CAMTA1: variants seen among roughly 807,000 people sequenced by gnomAD.
CAMTA1 encodes the protein calmodulin binding transcription activator 1, also known as calmodulin-binding transcription activator 1.
CAMTA1 carries 27 observed loss-of-function variants against 170.9 expected under a neutral mutation model. The ratio of observed to expected loss-of-function variants is 0.16; its 90% CI spans 0.12 to 0.22. CAMTA1 has a LOEUF of 0.22. Ranked by LOEUF, CAMTA1 falls within the 10% of genes least tolerant of loss-of-function variation. The pLI is 1.00. For missense variants in CAMTA1, 1,619 were observed against 2,217.2 expected, an observed-to-expected ratio of 0.73 and a Z score of 5.42; for synonymous variants, 833 against 891.5, an observed-to-expected ratio of 0.93 and a Z score of 1.17.
In CAMTA1 at chr1:7,634,907, G is replaced by A. The variant is rs559418135; in HGVS notation, c.511-5493G>A. Among the ~76,000 whole-genome samples the A allele has an allele frequency of 4.6e-5, 7 of 152,258 alleles. No individual in the cohort carries two copies. The highest frequency in any genetic ancestry group is 1.9e-4 in the East Asian group (1 of 5,170). ...GCAGCAGCCCCAGTGAGAAAGAGGCGCAGCTTCCATGCTTATGGGTGAGGA... is the reference window on the plus strand; with the variant it reads ...GCAGCAGCCCCAGTGAGAAAGAGGCACAGCTTCCATGCTTATGGGTGAGGA... On this transcript the variant is annotated intron_variant, in intron 6 of 22. Coordinates refer to ENST00000303635, the MANE Select transcript of CAMTA1 (RefSeq NM_015215.4). The surrounding 1 kb of genome is among the most constrained non-coding windows in gnomAD (Gnocchi z 6.2).
intron 5 of CAMTA1, among the ~76,000 whole-genome samples, chr1:7,392,273 T>G (rs930478656): frequency 9.1e-4 from 137 of 151,206 alleles, no homozygotes; most frequent in African/African-American, 2.7e-3. Context: ...TTTTTTTTTT[T>G]TGAGTCAGTT....
chr1:7,564,809 G>A (rs556450299), intron 6 of CAMTA1, among the ~76,000 whole-genome samples: 42 of 152,112 alleles, frequency 2.8e-4, no homozygotes, highest in African/African-American at 1.0e-3. Context: ...GTGAGGATTA[G>A]AAGGAGATGG....
intron 4 of CAMTA1, among the ~76,000 whole-genome samples, chr1:7,128,387 T>G (rs1469860890): frequency 2.0e-5 from 3 of 152,180 alleles, no homozygotes; most frequent in African/African-American, 7.2e-5. Context: ...GCCTCCCTGC[T>G]GAGGTGACAT....
Position 6,977,431 on chromosome 1 carries a change from C to A in CAMTA1, c.235-113873C>A, listed in dbSNP as rs181094046. ...TCTCGGCTCACTGCAACCTCCACCT[C>A]CCAGGTTCAAGAAATTCTCCAGCCT... On this transcript the variant is annotated intron_variant, in intron 3 of 22. Coordinates refer to ENST00000303635, the MANE Select transcript of CAMTA1 (RefSeq NM_015215.4). Among the ~76,000 whole-genome samples the A allele has an allele frequency of 1.3e-3, 195 of 152,166 alleles. 1 individual carries two copies. Among genetic ancestry groups the A allele is most frequent in the Non-Finnish European group, 2.1e-3 (146 of 68,000 alleles).
At chr1:7,412,724 T>C (rs1259115271) in intron 5 of CAMTA1, among the ~76,000 whole-genome samples, 3 of 152,112 alleles carry the variant, frequency 2.0e-5, no homozygotes, top group African/African-American at 7.2e-5. Flanking sequence ...ACTCTGATGG[T>C]AGTTTCTTTT....
chr1:7,047,202 A>G (rs1705528807), intron 3 of CAMTA1, among the ~76,000 whole-genome samples: 1 of 152,194 alleles, frequency 6.6e-6, no homozygotes, highest in African/African-American at 2.4e-5. Context: ...GGTGTGAACA[A>G]GTGGCTTTTT....
Position 7,014,676 on chromosome 1 carries a change from A to G in CAMTA1, c.235-76628A>G, listed in dbSNP as rs1700281413. ...TAACCCAACGCTTGGCTTGGTTTCAAAAAGGAAGCCTCTCCTCTCGGGTAT... is the reference window on the plus strand; with the variant it reads ...TAACCCAACGCTTGGCTTGGTTTCAGAAAGGAAGCCTCTCCTCTCGGGTAT... On this transcript the variant is annotated intron_variant, in intron 3 of 22. Transcript: ENST00000303635. The surrounding 1 kb of genome is among the most constrained non-coding windows in gnomAD (Gnocchi z 4.2). Among the ~76,000 whole-genome samples the G allele has an allele frequency of 1.3e-5, 2 of 152,142 alleles. No homozygotes were observed. The highest frequency in any genetic ancestry group is 1.3e-4 in the Admixed American group (2 of 15,280).
chr1:6,969,445 A>G (rs1449440651), intron 3 of CAMTA1, among the ~76,000 whole-genome samples: 1 of 152,134 alleles, frequency 6.6e-6, no homozygotes, highest in African/African-American at 2.4e-5. Context: ...CTTGCCCTGG[A>G]ACCTGGTCCG....
intron 3 of CAMTA1, among the ~76,000 whole-genome samples, chr1:6,856,345 T>G (rs577690044): frequency 2.0e-5 from 3 of 151,614 alleles, no homozygotes; most frequent in Non-Finnish European, 4.4e-5. Flanking sequence ...TTTTTTTTTT[T>G]GGTATTCATT....
At chr1:7,166,154 C>T (rs552569091) in intron 4 of CAMTA1, among the ~76,000 whole-genome samples, 2 of 152,088 alleles carry the variant, frequency 1.3e-5, no homozygotes, top group East Asian at 1.9e-4. Flanking sequence ...GCAAGCTCCT[C>T]CTCCTGGGTT....
intron 6 of CAMTA1, among the ~76,000 whole-genome samples, chr1:7,524,898 T>G (rs1452515158): frequency 1.3e-5 from 2 of 152,158 alleles, no homozygotes; most frequent in African/African-American, 4.8e-5. Context: ...TCCTGTGCCA[T>G]GTTCCCGGCC....
intron 5 of CAMTA1, among the ~76,000 whole-genome samples, chr1:7,276,890 A>AT (rs1268351085): frequency 3.9e-5 from 6 of 152,224 alleles, no homozygotes; most frequent in Non-Finnish European, 7.3e-5. Context: ...CAAGGCCAAT[A>AT]TTTTTTTGAA....
chr1:7,686,950 G>A lies in CAMTA1; in HGVS notation c.2914+9217G>A, dbSNP rs1223135852. On this transcript the variant is annotated intron_variant, in intron 11 of 22. Transcript: ENST00000303635. The stretch of plus-strand genomic sequence containing the variant: ...TGAGATGGAGAAGTCTGAAGAAGCA[G>A]CAAACCCAAGGGGATAGGGGAATCT... 4.6e-5 allele frequency among the ~76,000 whole-genome samples: 7 copies of A among 152,110 alleles called. No individual in the cohort carries two copies. The South Asian group carries it at 8.3e-4, about 18-fold the overall frequency.
At chr1:7,747,147 G>A (rs2096862796) in intron 18 of CAMTA1, among the ~76,000 whole-genome samples, 1 of 152,214 alleles carries the variant, frequency 6.6e-6, no homozygotes, top group African/African-American at 2.4e-5. Flanking sequence ...GTATTATTCA[G>A]TTAATATAAA....
At chr1:6,788,630 A>G (rs745912990) in intron 1 of CAMTA1, among the ~76,000 whole-genome samples, 1 of 152,178 alleles carries the variant, frequency 6.6e-6, no homozygotes, top group Non-Finnish European at 1.5e-5. Flanking sequence ...CCTGCTGTAG[A>G]TGGTGTAGAC....
In CAMTA1 at chr1:7,737,261, G is replaced by T; in HGVS notation, c.3349G>T (p.Ala1117Ser). The T allele has an allele frequency of 6.2e-7, 1 of 1,613,166 alleles. No individual in the cohort carries two copies. The highest frequency in any genetic ancestry group is 8.5e-7 in the Non-Finnish European group (1 of 1,179,490). The stretch of plus-strand genomic sequence containing the variant: ...GTGTCTCCCTGTCTTCTAGATGTGG[G>T]CGTGTGCCCTAGGGCACTTGGAAGC... ...DHFSCTPLMW[A>S]CALGHLEAAV... is the part of the protein sequence containing the mutation. The change falls in exon 15 of 23, where the codon GCG becomes TCG. Residue 1117 changes from alanine to serine, a missense_variant. Coordinates refer to ENST00000303635, the MANE Select transcript of CAMTA1 (RefSeq NM_015215.4).
At chr1:7,145,773 T>C (rs947342100) in intron 4 of CAMTA1, among the ~76,000 whole-genome samples, 1 of 152,226 alleles carries the variant, frequency 6.6e-6, no homozygotes, top group African/African-American at 2.4e-5. Flanking sequence ...GCACAGTGCC[T>C]GTGGCTTCTA....
intron 11 of CAMTA1, among the ~76,000 whole-genome samples, chr1:7,718,229 CAGTG>C (rs2096625717): frequency 6.6e-6 from 1 of 151,874 alleles, no homozygotes; most frequent in Admixed American, 6.6e-5. Context: ...TCCGTAAACA[CAGTG>C]GGTGTTCCGT....
intron 1 of CAMTA1, among the ~76,000 whole-genome samples, chr1:6,786,579 C>G (rs536268298): frequency 6.6e-6 from 1 of 152,158 alleles, no homozygotes; most frequent in Non-Finnish European, 1.5e-5. Context: ...TTGTGCAGCT[C>G]TGAAGTCATT....
Sources: gnomAD v4.1 joint callset for allele counts (sites outside exome capture counted in the v4.1 genomes callset) on GRCh38, gnomAD v4.1.1 for gene constraint, Gnocchi (gnomAD v3.1) non-coding constraint, MANE v1.5 for transcripts, NCBI Gene and HGNC (gene_info 2026-07-23, HGNC 2026-07-21) for gene names.